The following ARHGEF16 variants were observed in gnomAD, a reference collection of about 807,000 sequenced individuals.
ARHGEF16 encodes Rho guanine nucleotide exchange factor 16.
A neutral mutation model predicts 74.1 loss-of-function variants in ARHGEF16; 59 were observed. The ratio of observed to expected loss-of-function variants is 0.80; its 90% CI spans 0.65 to 0.99. The LOEUF is 0.99. Among genes scored for constraint, ARHGEF16 ranks in the 50% least tolerant of loss-of-function variants. The pLI is 0.00. For synonymous variants in ARHGEF16, 415 were observed against 412.6 expected, an observed-to-expected ratio of 1.01 and a Z score of -0.07; for missense variants, 948 against 986.6, an observed-to-expected ratio of 0.96 and a Z score of 0.52.
At position 3,480,534 on chromosome 1, in the gene ARHGEF16, G is replaced by A. The variant is rs148938641; in HGVS notation, c.2077G>A (p.Val693Met). 198 of 1,611,848 alleles carry A rather than the reference G, an allele frequency of 1.2e-4. 1 individual carries two copies. The African/African-American group carries it at 1.9e-3, about 15-fold the overall frequency. The change falls in exon 15 of 15, where the codon GTG becomes ATG. Residue 693 changes from valine to methionine, a missense_variant. Transcript: ENST00000378378. The stretch of plus-strand genomic sequence containing the variant: ...CCGCTTCATCACCAGCCGTGTGGCC[G>A]TGGAGGGCAATGTCCGCAGGATGGA... ...FARFITSRVA[V>M]EGNVRRMERL...
At chr1:3,461,496 G>A (rs982699137) in intron 1 of ARHGEF16, among the ~76,000 whole-genome samples, 1 of 152,230 alleles carries the variant, frequency 6.6e-6, no homozygotes, top group Non-Finnish European at 1.5e-5. Flanking sequence ...TCCCTGACAC[G>A]TGTGGGGAGC....
rs1234197304 is a variant in ARHGEF16, at chr1:3,478,558, T to A, written c.1760T>A (p.Leu587Gln). The A allele has an allele frequency of 2.5e-6, 4 of 1,612,472 alleles. No homozygotes were observed. The highest frequency in any genetic ancestry group is 3.4e-6 in the Non-Finnish European group (4 of 1,179,842). Residue 587 changes from leucine to glutamine, a missense_variant, in exon 12 of 15, where the codon CTG becomes CAG. Leu to Gln is a moderately radical substitution (Grantham distance 113, BLOSUM62 -2). Transcript: ENST00000378378. ...GTGCCCCACCCCTTCCAGGTGACCC[T>A]GCTTCGCAACAGCGAGGGCCGCCAG... is the stretch of plus-strand genomic sequence containing the variant. ...SSVPHPFQVTLLRNSEGRQEQ... is the reference protein window; with the variant it reads ...SSVPHPFQVTQLRNSEGRQEQ...
At chr1:3,479,415 A>T in intron 12 of ARHGEF16, 102 bp from the exon 13 acceptor site, 4 of 1,160,084 alleles carry the variant, frequency 3.4e-6, no homozygotes, top group Non-Finnish European at 5.0e-6. Context: ...CACCACCCCC[A>T]TCTCCTTGCC....
chr1:3,456,540 GCCTGGCCAGCAGTC>G (rs1639270509), intron 1 of ARHGEF16, among the ~76,000 whole-genome samples: 1 of 152,206 alleles, frequency 6.6e-6, no homozygotes, highest in Non-Finnish European at 1.5e-5. Context: ...TCAGGACAGG[GCCTGGCCAGCAGTC>G]CCACCCCCGC....
intron 2 of ARHGEF16, 147 bp from the exon 3 acceptor site, chr1:3,466,001 C>A: frequency 2.4e-6 from 2 of 828,662 alleles, no homozygotes; most frequent in African/African-American, 1.8e-5. Context: ...CTCTGCTTGG[C>A]GGCCGTGAGG....
At chr1:3,474,842 CA>C in intron 9 of ARHGEF16, 60 bp downstream of exon 9, 1 of 1,477,740 alleles carries the variant, frequency 6.8e-7, no homozygotes, top group Non-Finnish European at 9.3e-7. Flanking sequence ...TGTCCCCACC[CA>C]ACCCCACCCT....
At chr1:3,467,421 CG>C in intron 4 of ARHGEF16, 84 bp downstream of exon 4, 3 of 1,425,626 alleles carry the variant, frequency 2.1e-6, no homozygotes, top group Non-Finnish European at 2.8e-6. Flanking sequence ...CAAGCCCAGG[CG>C]GCTGGTCCCC....
intron 2 of ARHGEF16, among the ~76,000 whole-genome samples, chr1:3,464,358 T>G (rs1557688492): frequency 6.6e-6 from 1 of 152,204 alleles, no homozygotes. Flanking sequence ...GGCCTTCATT[T>G]CAGGCAGCCC....
At chr1:3,463,004 TG>T in intron 1 of ARHGEF16, 61 bp from the exon 2 acceptor site, 2 of 1,211,440 alleles carry the variant, frequency 1.7e-6, no homozygotes, top group South Asian at 1.7e-5. Context: ...GGTAGGGGGG[TG>T]GACACCCGCG....
intron 1 of ARHGEF16, among the ~76,000 whole-genome samples, chr1:3,459,694 G>A (rs191112429): frequency 2.0e-4 from 31 of 152,316 alleles, no homozygotes; most frequent in African/African-American, 7.5e-4. Context: ...ACATGGCAGA[G>A]ACGCCAGAAC....
chr1:3,461,656 G>A (rs1639398259), intron 1 of ARHGEF16, among the ~76,000 whole-genome samples: 1 of 152,208 alleles, frequency 6.6e-6, no homozygotes, highest in Non-Finnish European at 1.5e-5. Context: ...CTGTGGCCGA[G>A]CAATGCGCCG....
At chr1:3,476,908 A>G (rs980851537) in intron 10 of ARHGEF16, among the ~76,000 whole-genome samples, 2 of 152,062 alleles carry the variant, frequency 1.3e-5, no homozygotes, top group African/African-American at 4.8e-5. Flanking sequence ...CGCTGAGCCC[A>G]CACCCGTGCA....
chr1:3,480,415 C>T (rs1640023681), intron 14 of ARHGEF16, 33 bp from the exon 15 acceptor site: 1 of 1,610,268 alleles, frequency 6.2e-7, no homozygotes, highest in Non-Finnish European at 8.5e-7. Flanking sequence ...ACGGCCTTCC[C>T]CTCACCTCCC....
chr1:3,463,273 G>C lies in ARHGEF16; in HGVS notation c.189G>C (p.Pro63=). ...CGGCACCCCCACAGCCTCGGCCCCCGGGGCACGAGGAGCCATGGCCCATCG... is the reference window on the plus strand; with the variant it reads ...CGGCACCCCCACAGCCTCGGCCCCCCGGGCACGAGGAGCCATGGCCCATCG... The part of the protein sequence containing the change: ...QVPAPPQPRP[P]GHEEPWPIVL... The change falls in exon 2 of 15, where the codon CCG becomes CCC. Residue 63 remains proline (P), a synonymous_variant. Transcript: ENST00000378378. The C allele has an allele frequency of 6.5e-7, 1 of 1,549,766 alleles. No individual in the cohort carries two copies. The highest frequency in any genetic ancestry group is 1.2e-5 in the South Asian group (1 of 84,036).
chr1:3,457,566 C>T (rs541201097), intron 1 of ARHGEF16, among the ~76,000 whole-genome samples: 22 of 152,220 alleles, frequency 1.4e-4, no homozygotes, highest in African/African-American at 4.6e-4. Flanking sequence ...CCCATCTCTC[C>T]GGAAGGATAA....
At chr1:3,459,495 T>G (rs950739530) in intron 1 of ARHGEF16, among the ~76,000 whole-genome samples, 1 of 152,036 alleles carries the variant, frequency 6.6e-6, no homozygotes, top group Non-Finnish European at 1.5e-5. Context: ...GGACAGTGCC[T>G]GGGGATGTCC....
intron 10 of ARHGEF16, 117 bp downstream of exon 10, chr1:3,476,179 C>T: frequency 9.0e-7 from 1 of 1,110,980 alleles, no homozygotes; most frequent in Non-Finnish European, 1.3e-6. Context: ...TGCCTGCCCT[C>T]ATGAGGCCTG....
intron 6 of ARHGEF16, among the ~76,000 whole-genome samples, chr1:3,470,945 G>GGTGT (rs1185034296): frequency 1.9e-5 from 2 of 105,216 alleles, no homozygotes; most frequent in African/African-American, 3.7e-5. Context: ...CATGGGCAGG[G>GGTGT]GTGTGCGTGG....
chr1:3,473,885 G>GC (rs1472390248), intron 8 of ARHGEF16: 4 of 350,444 alleles, frequency 1.1e-5, no homozygotes, highest in Non-Finnish European at 2.1e-5. Flanking sequence ...CCTGTCCCTG[G>GC]CACCTACTCT....
Sources: allele counts gnomAD v4.1 joint callset (sites outside exome capture counted in the v4.1 genomes callset), GRCh38; gene constraint gnomAD v4.1.1; transcripts MANE v1.5; gene names NCBI Gene and HGNC (gene_info 2026-07-23, HGNC 2026-07-21).